KCNIP3: variants seen among roughly 807,000 people sequenced by gnomAD.
KCNIP3 encodes potassium voltage-gated channel interacting protein 3, also known as calsenilin.
In KCNIP3, 28 loss-of-function variants were observed where a neutral mutation model predicts 35.0. The observed-to-expected ratio is 0.80, with a 90% CI of 0.59 to 1.10. KCNIP3 has a LOEUF of 1.10. Among genes scored for constraint, KCNIP3 ranks in the 50% least tolerant of loss-of-function variants. The probability of loss-of-function intolerance (pLI) is 0.00; values close to 1 mark genes in which losing one functional copy is unlikely to be tolerated. For missense variants in KCNIP3, 295 were observed against 338.4 expected (o/e 0.87, Z 1.01); for synonymous variants, 134 against 133.8 (o/e 1.00, Z -0.01).
intron 1 of KCNIP3, among the ~76,000 whole-genome samples, chr2:95,305,676 C>G (rs1482644750): frequency 1.3e-5 from 2 of 152,212 alleles, no homozygotes; most frequent in Non-Finnish European, 2.9e-5. Context: ...ATCCTTAACC[C>G]CTGGCCCTCT....
chr2:95,348,692 C>T (rs568944763), intron 2 of KCNIP3, among the ~76,000 whole-genome samples: 4 of 152,320 alleles, frequency 2.6e-5, no homozygotes, highest in Admixed American at 2.6e-4. Flanking sequence ...GTTTATTCCA[C>T]CTGCCAAAAA....
chr2:95,345,985 G>A (rs1679346315), intron 2 of KCNIP3, among the ~76,000 whole-genome samples: 1 of 152,224 alleles, frequency 6.6e-6, no homozygotes, highest in Non-Finnish European at 1.5e-5. Flanking sequence ...GCGGCTGCGA[G>A]TCCGTGACTC....
At chr2:95,302,040 C>G (rs1459841788) in intron 1 of KCNIP3, among the ~76,000 whole-genome samples, 1 of 152,174 alleles carries the variant, frequency 6.6e-6, no homozygotes, top group Non-Finnish European at 1.5e-5. Flanking sequence ...TCCAGGCTCC[C>G]CAAAGCTTCC....
chr2:95,341,247 C>A (rs2059314), intron 2 of KCNIP3, among the ~76,000 whole-genome samples: 81,840 of 151,868 alleles, frequency 0.54, 22,686 homozygotes, highest in Non-Finnish European at 0.6. Flanking sequence ...GCACCTCCCC[C>A]CTCACTCTCT....
intron 1 of KCNIP3, among the ~76,000 whole-genome samples, chr2:95,300,795 G>C (rs1678006804): frequency 6.6e-6 from 1 of 152,222 alleles, no homozygotes; most frequent in Non-Finnish European, 1.5e-5. Context: ...CAGCGTGGGG[G>C]TGGCGTGTCC....
chr2:95,350,468 G>A (rs1215512206), intron 2 of KCNIP3, among the ~76,000 whole-genome samples: 1 of 152,180 alleles, frequency 6.6e-6, no homozygotes, highest in Admixed American at 6.5e-5. Context: ...AAATTCATGA[G>A]GGAACCTGCT....
intron 2 of KCNIP3, among the ~76,000 whole-genome samples, chr2:95,324,676 G>T (rs1005206061): frequency 1.3e-5 from 2 of 152,042 alleles, no homozygotes; most frequent in Non-Finnish European, 2.9e-5. Context: ...ACTTTGGGAG[G>T]CCAAGGTGGG....
chr2:95,313,308 C>G (rs1358530028), intron 2 of KCNIP3: 2 of 152,228 alleles, frequency 1.3e-5, no homozygotes, highest in African/African-American at 4.8e-5. Flanking sequence ...GTCCTGGAGA[C>G]AGTGGGCAAG....
intron 2 of KCNIP3, among the ~76,000 whole-genome samples, chr2:95,342,191 T>TG (rs1011767903): frequency 3.9e-5 from 6 of 152,018 alleles, no homozygotes; most frequent in African/African-American, 1.2e-4. Flanking sequence ...GGCCCGGCCA[T>TG]GGGGGGCAAG....
Position 95,378,408 on chromosome 2 carries a change from G to A in KCNIP3, c.448-3188G>A, listed in dbSNP as rs1315614048. On this transcript the variant is annotated intron_variant, in intron 5 of 8. Coordinates refer to ENST00000295225, the MANE Select transcript of KCNIP3 (RefSeq NM_013434.5). The surrounding 1 kb of genome is among the most constrained non-coding windows in gnomAD (Gnocchi z 4.0). ...CTCCCAAAGTGCTGGAATTGCAGGTGTGAGCCACCACACCTGGGTGTTGCT... is the reference window on the plus strand; with the variant it reads ...CTCCCAAAGTGCTGGAATTGCAGGTATGAGCCACCACACCTGGGTGTTGCT... Among the ~76,000 whole-genome samples, 1 of 152,154 alleles carries A rather than the reference G, an allele frequency of 6.6e-6. No homozygotes were observed. The highest frequency in any genetic ancestry group is 2.4e-5 in the African/African-American group (1 of 41,520).
intron 8 of KCNIP3, among the ~76,000 whole-genome samples, chr2:95,383,688 G>T (rs568058381): frequency 5.1e-4 from 78 of 152,332 alleles, no homozygotes; most frequent in Middle Eastern, 6.8e-3. Flanking sequence ...TGGGCCTCCA[G>T]CGCCTCTATT....
chr2:95,372,221 A>G (rs151063047), intron 2 of KCNIP3, among the ~76,000 whole-genome samples: 1 of 152,230 alleles, frequency 6.6e-6, no homozygotes, highest in East Asian at 1.9e-4. Flanking sequence ...CCATCCATCC[A>G]TCCATCCATC....
At chr2:95,324,150 C>G (rs1386272552) in intron 2 of KCNIP3, among the ~76,000 whole-genome samples, 2 of 152,242 alleles carry the variant, frequency 1.3e-5, no homozygotes, top group Non-Finnish European at 2.9e-5. Flanking sequence ...AGTCAGTGAA[C>G]TAAACGGATT....
chr2:95,315,496 G>A (rs758125217), intron 2 of KCNIP3, among the ~76,000 whole-genome samples: 75 of 152,038 alleles, frequency 4.9e-4, no homozygotes, highest in Non-Finnish European at 8.2e-4. Context: ...TCCTCCCCAG[G>A]CCTCCCAGCC....
chr2:95,360,185 C>T (rs911398960), intron 2 of KCNIP3, among the ~76,000 whole-genome samples: 24 of 142,888 alleles, frequency 1.7e-4, no homozygotes, highest in African/African-American at 5.0e-4. Flanking sequence ...TGTGAGACTC[C>T]GTCTCAAAAA....
At chr2:95,367,554 C>CATTTTGT (rs1371759443) in intron 2 of KCNIP3, among the ~76,000 whole-genome samples, 3 of 152,120 alleles carry the variant, frequency 2.0e-5, no homozygotes, top group Non-Finnish European at 4.4e-5. Context: ...CTTTCATCAG[C>CATTTTGT]ATTTTGTAGT....
chr2:95,314,284 A>G (rs1290816281), intron 2 of KCNIP3, among the ~76,000 whole-genome samples: 1 of 152,238 alleles, frequency 6.6e-6, no homozygotes, highest in Admixed American at 6.5e-5. Flanking sequence ...AAGCATCAAG[A>G]TACATGATAT....
chr2:95,301,538 G>T (rs1678027221), intron 1 of KCNIP3, among the ~76,000 whole-genome samples: 1 of 152,224 alleles, frequency 6.6e-6, no homozygotes, highest in African/African-American at 2.4e-5. Flanking sequence ...CCTGGGGGAA[G>T]TATGAATATC....
chr2:95,357,104 C>G (rs1679673061), intron 2 of KCNIP3, among the ~76,000 whole-genome samples: 1 of 152,220 alleles, frequency 6.6e-6, no homozygotes, highest in African/African-American at 2.4e-5. Context: ...GCCCCTCCCT[C>G]CCCAGGTCAG....
Sources: gnomAD v4.1 joint callset for allele counts (sites outside exome capture counted in the v4.1 genomes callset) on GRCh38, gnomAD v4.1.1 for gene constraint, Gnocchi (gnomAD v3.1) non-coding constraint, MANE v1.5 for transcripts, NCBI Gene and HGNC (gene_info 2026-07-23, HGNC 2026-07-21) for gene names.